The following FAM149A variants were observed in gnomAD, a reference collection of about 807,000 sequenced individuals.
The protein encoded by FAM149A is protein FAM149A.
A neutral mutation model predicts 78.2 loss-of-function variants in FAM149A; 71 were observed. That is an observed-to-expected ratio of 0.91 (90% CI 0.75 to 1.11). The LOEUF (loss-of-function observed/expected upper bound fraction) is 1.11. Among genes scored for constraint, FAM149A ranks in the 50% least tolerant of loss-of-function variants. FAM149A has a pLI of 0.00. For synonymous variants in FAM149A, 446 were observed against 410.5 expected (o/e 1.09, Z -1.04); for missense variants, 1,036 against 971.0 (o/e 1.07, Z -0.89).
intron 1 of FAM149A, among the ~76,000 whole-genome samples, chr4:186,142,805 C>T (rs1442269887): frequency 6.6e-6 from 1 of 152,170 alleles, no homozygotes; most frequent in African/African-American, 2.4e-5. Flanking sequence ...TGCCACTGAG[C>T]AACCCCACGG....
chr4:186,171,710 G>A (rs938850862), intron 13 of FAM149A, among the ~76,000 whole-genome samples: 4 of 152,118 alleles, frequency 2.6e-5, no homozygotes, highest in South Asian at 2.1e-4. Flanking sequence ...CTGCACCTCC[G>A]CTTGATTTTG....
chr4:186,120,709 G>T (rs1430181281), intron 1 of FAM149A, among the ~76,000 whole-genome samples: 2 of 147,966 alleles, frequency 1.4e-5, no homozygotes, highest in South Asian at 4.4e-4. Context: ...CAGGAGAATC[G>T]CTGGAACCAG....
At chr4:186,146,390 C>G in intron 1 of FAM149A, 2 of 893,010 alleles carry the variant, frequency 2.2e-6, no homozygotes, top group Non-Finnish European at 2.7e-6. Context: ...TGCCCTGCAT[C>G]CCAAGACCTC....
In FAM149A at chr4:186,116,397, T is replaced by G. The variant is rs138393998; in HGVS notation, c.566+10755T>G. 1,963 of 916,942 alleles carry G rather than the reference T, an allele frequency of 2.1e-3. 36 individuals are homozygous for G. The African/African-American group carries it at 0.032, about 15-fold the overall frequency. The allele number at this position is 916,942 out of a possible 1,614,324, so 56.8% of individuals were successfully genotyped here. ...GAGCTGTAGACCGGAGCTGTTCCTA[T>G]TTGGCCATCTTGGCTCCTCCCTCAT... On this transcript the variant is annotated intron_variant, in intron 1 of 13. Transcript: ENST00000389354.
intron 1 of FAM149A, chr4:186,125,287 C>T: frequency 1.0e-6 from 1 of 985,386 alleles, no homozygotes. Flanking sequence ...TATGTGCCAG[C>T]CACCTGCTTC....
chr4:186,105,519 G>T lies in FAM149A; in HGVS notation c.443G>T (p.Gly148Val). ...CTCCCCAGGAACCCGCTCCAGCCTG[G>T]CCCCGGAGAGCGAGAGCTCGGCGCC... Residue 148 changes from glycine to valine, a missense_variant, in exon 1 of 14, where the codon GGC becomes GTC. Physicochemically the swap from Gly to Val is moderately radical, Grantham distance 109 (BLOSUM62 -3). Transcript: ENST00000389354. 1 of 1,155,878 alleles carries T rather than the reference G, an allele frequency of 8.7e-7. No homozygotes were observed. The highest frequency in any genetic ancestry group is 1.1e-6 in the Non-Finnish European group (1 of 932,324). 71.6% of individuals were successfully genotyped at this position (1,155,878 alleles called of 1,614,324 possible).
chr4:186,108,452 CT>C (rs1327002384), intron 1 of FAM149A, among the ~76,000 whole-genome samples: 1 of 151,470 alleles, frequency 6.6e-6, no homozygotes, highest in African/African-American at 2.4e-5. Flanking sequence ...GTGAAATTAA[CT>C]TGAGTAGGAA....
rs754712900 is a variant in FAM149A, at chr4:186,156,079, C to T, written c.1309C>T (p.Arg437Cys). Residue 437 changes from arginine to cysteine, a missense_variant, in exon 7 of 14, where the codon CGT becomes TGT. By Grantham distance (180) the Arg-to-Cys change is radical. Coordinates refer to ENST00000389354, the MANE Select transcript of FAM149A (RefSeq NM_001367768.3). ...ACTCGGACTTCCTCCTGTTTCCCCGCGTGACTGTGTCAAAGATGCCGTGGC... is the reference window on the plus strand; with the variant it reads ...ACTCGGACTTCCTCCTGTTTCCCCGTGTGACTGTGTCAAAGATGCCGTGGC... 54 of 1,613,762 alleles carry T rather than the reference C, an allele frequency of 3.3e-5. No homozygotes were observed. The highest frequency in any genetic ancestry group is 6.7e-5 in the Admixed American group (4 of 59,974).
intron 1 of FAM149A, chr4:186,146,305 C>A: frequency 5.7e-6 from 1 of 175,464 alleles, no homozygotes; most frequent in Non-Finnish European, 1.1e-5. Context: ...GGAGAAATGG[C>A]ATGGAGTAGG....
At chr4:186,131,774 C>T (rs1188266945) in intron 1 of FAM149A, 7 of 385,224 alleles carry the variant, frequency 1.8e-5, no homozygotes, top group Middle Eastern at 1.3e-3. Flanking sequence ...TCATGCATCT[C>T]ATCCTCGAGG....
Position 186,157,713 on chromosome 4 carries a change from G to A in FAM149A, c.1569G>A (p.Pro523=), listed in dbSNP as rs200596219. Reference sequence around the variant, plus strand: ...TCTCCCTGGCTTCTCGTCTGAACCCGCCCCAGGTCGGTGCTTTCACACCCT... The same window carrying A: ...TCTCCCTGGCTTCTCGTCTGAACCCACCCCAGGTCGGTGCTTTCACACCCT... The change falls in exon 8 of 14, where the codon CCG becomes CCA. Residue 523 remains proline, a synonymous_variant. Coordinates refer to ENST00000389354, the MANE Select transcript of FAM149A (RefSeq NM_001367768.3). 2.5e-6 allele frequency: 4 copies of A among 1,606,698 alleles called. No homozygotes were observed. The highest frequency in any genetic ancestry group is 2.2e-5 in the South Asian group (2 of 89,862).
chr4:186,151,142 G>C, intron 3 of FAM149A: 1 of 766,332 alleles, frequency 1.3e-6, no homozygotes, highest in Non-Finnish European at 1.6e-6. Context: ...ACTCAGCTCA[G>C]CACTGCTAGG....
intron 1 of FAM149A, chr4:186,117,725 G>T: frequency 1.1e-6 from 1 of 930,070 alleles, no homozygotes; most frequent in South Asian, 4.9e-5. Context: ...CAGGATTTAG[G>T]TAGAGAAGTG....
chr4:186,111,987 A>G (rs1269307401), intron 1 of FAM149A, among the ~76,000 whole-genome samples: 2 of 151,188 alleles, frequency 1.3e-5, no homozygotes, highest in African/African-American at 4.9e-5. Flanking sequence ...TACCTTGGGC[A>G]GTATGGCCAT....
chr4:186,157,684 G>C lies in FAM149A; in HGVS notation c.1540G>C (p.Gly514Arg). 1 of 1,613,576 alleles carries C rather than the reference G, an allele frequency of 6.2e-7. No individual in the cohort carries two copies. The highest frequency in any genetic ancestry group is 8.5e-7 in the Non-Finnish European group (1 of 1,179,694). Residue 514 changes from glycine to arginine, a missense_variant, in exon 8 of 14, where the codon GGC becomes CGC. By Grantham distance (125) the Gly-to-Arg change is moderately radical (BLOSUM62 -2). This residue lies in a region of FAM149A where 716 missense variants were observed against 711.8 expected (regional missense o/e 1.01). Coordinates refer to ENST00000389354, the MANE Select transcript of FAM149A (RefSeq NM_001367768.3). The stretch of plus-strand genomic sequence containing the variant: ...CCCGTCCGGACACGCCGAGGCTCAC[G>C]GCATCTCCCTGGCTTCTCGTCTGAA...
intron 1 of FAM149A, among the ~76,000 whole-genome samples, chr4:186,108,601 A>G (rs1262617180): frequency 6.6e-6 from 1 of 152,110 alleles, no homozygotes; most frequent in Non-Finnish European, 1.5e-5. Context: ...TTTGCTCCAC[A>G]GGGCGTACTG....
In FAM149A at chr4:186,120,793, C is replaced by CAAAA. The variant is rs555497937; in HGVS notation, c.566+15165_566+15168dup. 2.1e-3 allele frequency among the ~76,000 whole-genome samples: 141 copies of CAAAA among 66,006 alleles called. 1 individual carries two copies. Among genetic ancestry groups the CAAAA allele is most frequent in the Admixed American group, 6.3e-3 (25 of 3,990 alleles). The allele number at this position is 66,006 out of a possible 152,430, so 43.3% of individuals were successfully genotyped here. A position where few individuals can be genotyped will look rare whatever the true frequency, so the allele number is the denominator to read the frequency against. The stretch of plus-strand genomic sequence containing the variant: ...TGGGCGACAGAGCAAGACTCCATCT[C>CAAAA]AAAAAAAAAAAAAAAAAGTTAGTAA... On this transcript the variant is annotated intron_variant, in intron 1 of 13. Coordinates refer to ENST00000389354, the MANE Select transcript of FAM149A (RefSeq NM_001367768.3).
chr4:186,165,312 TGG>T (rs1395542110), intron 10 of FAM149A, 30 bp from the exon 11 acceptor site: 10 of 1,613,626 alleles, frequency 6.2e-6, no homozygotes, highest in East Asian at 4.5e-5. Context: ...TCCATGTACC[TGG>T]GTGCTCAGTG....
At chr4:186,160,453 A>G (rs1010894095) in intron 8 of FAM149A, among the ~76,000 whole-genome samples, 1 of 147,636 alleles carries the variant, frequency 6.8e-6, no homozygotes, top group African/African-American at 2.5e-5. Context: ...TCCCACACAA[A>G]CACACCACAC....
Sources: allele counts gnomAD v4.1 joint callset (sites outside exome capture counted in the v4.1 genomes callset), GRCh38; gene constraint gnomAD v4.1.1; regional missense constraint gnomAD v4.1.1; transcripts MANE v1.5; gene names NCBI Gene and HGNC (gene_info 2026-07-23, HGNC 2026-07-21).